PSMB8: variants seen among roughly 807,000 people sequenced by gnomAD.
PSMB8 encodes the protein proteasome subunit beta type-8.
In PSMB8, 20 loss-of-function variants were observed where a neutral mutation model predicts 32.3. The observed-to-expected ratio is 0.62, with a 90% CI of 0.44 to 0.90. The LOEUF (loss-of-function observed/expected upper bound fraction) is 0.90, where lower values mean the gene tolerates loss of function less well. Ranked by LOEUF, PSMB8 falls within the 40% of genes least tolerant of loss-of-function variation. The probability of loss-of-function intolerance (pLI) is 0.00; values close to 1 mark genes in which losing one functional copy is unlikely to be tolerated. For missense variants in PSMB8, 342 were observed against 365.4 expected, an observed-to-expected ratio of 0.94 and a Z score of 0.52; for synonymous variants, 131 against 135.4, an observed-to-expected ratio of 0.97 and a Z score of 0.23.
chr6:32,844,318 G>A (rs1770172717), upstream of PSMB8: 3 of 1,613,928 alleles, frequency 1.9e-6, no homozygotes, highest in East Asian at 2.2e-5. Flanking sequence ...GGGTGGGTAG[G>A]GTCGTGTCAT....
intron 3 of PSMB8, 136 bp downstream of exon 3, chr6:32,842,536 T>C (rs1769979735): frequency 3.2e-6 from 3 of 936,222 alleles, no homozygotes; most frequent in Non-Finnish European, 3.4e-6. Flanking sequence ...AAGGGTCTTA[T>C]CACCAAAAAG....
chr6:32,843,561 A>G (rs1351376819), intron 1 of PSMB8, among the ~76,000 whole-genome samples: 2 of 152,166 alleles, frequency 1.3e-5, no homozygotes, highest in Non-Finnish European at 2.9e-5. Flanking sequence ...TCATGTGATA[A>G]CCCCATGAAA....
chr6:32,842,572 A>G (rs1016492562), intron 3 of PSMB8, 100 bp downstream of exon 3: 1 of 1,107,254 alleles, frequency 9.0e-7, no homozygotes. Context: ...TACTATTAGC[A>G]CTAAGATGGA....
rs1007524117 is a variant in PSMB8, at chr6:32,843,056, C to T, written c.181G>A (p.Gly61Arg). Residue 61 changes from glycine to arginine, a missense_variant, in exon 2 of 6, where the codon GGA becomes AGA. By Grantham distance (125) the Gly-to-Arg change is moderately radical. Coordinates refer to ENST00000374882, the MANE Select transcript of PSMB8 (RefSeq NM_148919.4). ...TEFFQSLGGD[G>R]ERNVQIEMAH... ...ATCTCAATCTGAACGTTCCTTTCTC[C>T]GTCCCCACCCAGGGACTGGAAGAAT... The T allele has an allele frequency of 1.5e-5, 25 of 1,612,922 alleles. No homozygotes were observed. Among genetic ancestry groups the T allele is most frequent in the Non-Finnish European group, 1.9e-5 (22 of 1,180,044 alleles).
Position 32,843,921 on chromosome 6 carries a change from G to T in PSMB8, c.76C>A (p.Arg26Ser). The change falls in exon 1 of 6, where the codon CGT becomes AGT. Residue 26 changes from arginine to serine, a missense_variant. Arg to Ser is a moderately radical substitution (Grantham distance 110, BLOSUM62 -1). Coordinates refer to ENST00000374882, the MANE Select transcript of PSMB8 (RefSeq NM_148919.4). ...ESALPVAGSGRRSDPGHYSFS... is the reference protein window; with the variant it reads ...ESALPVAGSGSRSDPGHYSFS... ...CTGTAGTGTCCTGGGTCCGAGCGAC[G>T]CCCGCTTCCCGCAACCGGGAGAGCC... is the stretch of plus-strand genomic sequence containing the variant. 1 of 1,612,586 alleles carries T rather than the reference G, an allele frequency of 6.2e-7. No individual in the cohort carries two copies. Among genetic ancestry groups the T allele is most frequent in the Non-Finnish European group, 8.5e-7 (1 of 1,179,918 alleles).
At chr6:32,843,488 T>C (rs1770069485) in intron 1 of PSMB8, among the ~76,000 whole-genome samples, 1 of 152,074 alleles carries the variant, frequency 6.6e-6, no homozygotes, top group Non-Finnish European at 1.5e-5. Context: ...CAACAGTGAG[T>C]TGCTGAGAGG....
At chr6:32,844,381 A>G, upstream of PSMB8, 1 of 1,613,970 alleles carries the variant, frequency 6.2e-7, no homozygotes, top group Middle Eastern at 1.6e-4. Context: ...AGCTGGGAGT[A>G]GTGTCACGCG....
At position 32,844,017 on chromosome 6, in the gene PSMB8, T is replaced by C. The variant is rs1390501789; in HGVS notation, c.-21A>G. On this transcript the variant is annotated 5_prime_UTR_variant, in exon 1 of 6. Transcript: ENST00000374882. The stretch of plus-strand genomic sequence containing the variant: ...GCCATGACCGCCCAGCACCCAGAGA[T>C]CTGTCCGCTCTCGGAGGAGGAAGTG... 6.2e-7 allele frequency: 1 copy of C among 1,605,532 alleles called. No homozygotes were observed. Among genetic ancestry groups the C allele is most frequent in the African/African-American group, 1.3e-5 (1 of 74,398 alleles).
chr6:32,844,138 A>C (rs546444968), upstream of PSMB8: 1 of 1,506,994 alleles, frequency 6.6e-7, no homozygotes, highest in African/African-American at 1.4e-5. Flanking sequence ...CTGGACCAGG[A>C]CCATCACACT....
chr6:32,842,842 C>T (rs1270234208), intron 2 of PSMB8, 59 bp from the exon 3 acceptor site: 3 of 1,609,022 alleles, frequency 1.9e-6, no homozygotes, highest in Non-Finnish European at 2.6e-6. Flanking sequence ...CCCAGTGTGT[C>T]CTAAATCAAT....
upstream of PSMB8, chr6:32,844,245 A>T (rs1770159986): frequency 6.2e-7 from 1 of 1,612,232 alleles, no homozygotes; most frequent in Admixed American, 1.7e-5. Flanking sequence ...CGCCTTCAAA[A>T]GCCCACTTGG....
Position 32,842,162 on chromosome 6 carries a change from C to T in PSMB8, c.509G>A (p.Gly170Asp). The T allele has an allele frequency of 6.2e-7, 1 of 1,613,118 alleles. No homozygotes were observed. The highest frequency in any genetic ancestry group is 8.5e-7 in the Non-Finnish European group (1 of 1,180,042). ...CQYRGMGLSMGSMICGWDKKG... is the reference protein window; with the variant it reads ...CQYRGMGLSMDSMICGWDKKG... ...CTTATCCCAGCCACAGATCATACTG[C>T]CCATAGAGAGGCCCATGCCCCGGTA... Residue 170 changes from glycine (G) to aspartate (D), a missense_variant, in exon 4 of 6, where the codon GGC becomes GAC. Coordinates refer to ENST00000374882, the MANE Select transcript of PSMB8 (RefSeq NM_148919.4).
rs1431861672 is a variant in PSMB8 at position 32,840,957 on chromosome 6, CATTATTG to C, written c.826_*1del. ...AGACCTGCCCAGCTGCCACCACCAC[CATTATTG>C]ATTGGCTTCCCGGTACTGGTGCAGC... On this transcript the variant is annotated stop_lost and 3_prime_UTR_variant, in exon 6 of 6. Transcript: ENST00000374882. 3 of 1,611,318 alleles carry C rather than the reference CATTATTG, an allele frequency of 1.9e-6. No individual in the cohort carries two copies. In the South Asian group the frequency reaches 3.3e-5, roughly 18 times the overall value.
At chr6:32,844,451 G>C (rs752865267), upstream of PSMB8, 1 of 1,611,746 alleles carries the variant, frequency 6.2e-7, no homozygotes, top group Non-Finnish European at 8.5e-7. Flanking sequence ...GTGCGAGGGG[G>C]CAGAGTCTTG....
rs1338119734 is a variant in PSMB8 at position 32,840,879 on chromosome 6, T to C, written c.*80A>G. 3.0e-5 allele frequency: 38 copies of C among 1,254,712 alleles called. No homozygotes were observed. Among genetic ancestry groups the C allele is most frequent in the Non-Finnish European group, 2.1e-5 (18 of 855,950 alleles). The allele number at this position is 1,254,712 out of a possible 1,614,324, so 77.7% of individuals were successfully genotyped here. ...TTGGCTCAGGCTAGGCCTCTTCTTC[T>C]CCTTGGACTTAACGTGGCTTAGGTC... On this transcript the variant is annotated 3_prime_UTR_variant, in exon 6 of 6. Coordinates refer to ENST00000374882, the MANE Select transcript of PSMB8 (RefSeq NM_148919.4).
At chr6:32,842,062 T>C (rs1000989358) in intron 4 of PSMB8, 72 bp downstream of exon 4, 13 of 1,608,170 alleles carry the variant, frequency 8.1e-6, no homozygotes, top group African/African-American at 1.3e-5. Flanking sequence ...GGAGTAGGAG[T>C]ATATGATGGG....
rs1028663462 is a variant in PSMB8 at position 32,840,994 on chromosome 6, C to T, written c.796G>A (p.Asp266Asn). Residue 266 changes from aspartate (D) to asparagine (N), a missense_variant, in exon 6 of 6, where the codon GAC becomes AAC. Physicochemically the swap from Asp to Asn is conservative, Grantham distance 23 (BLOSUM62 1). Transcript: ENST00000374882. ...GCTTCCCGGTACTGGTGCAGCAGGT[C>T]ACTGACATCTGTACTTTCTACTTTC... Reference protein sequence around the residue: ...WVKVESTDVSDLLHQYREANQ With the variant: ...WVKVESTDVSNLLHQYREANQ 6.2e-7 allele frequency: 1 copy of T among 1,613,824 alleles called. No homozygotes were observed. The highest frequency in any genetic ancestry group is 8.5e-7 in the Non-Finnish European group (1 of 1,179,714).
chr6:32,844,054 C>A, upstream of PSMB8: 1 of 1,598,562 alleles, frequency 6.3e-7, no homozygotes, highest in Non-Finnish European at 8.5e-7. Flanking sequence ...AAGCGAAAGC[C>A]ACAGATCGAA....
chr6:32,840,866 AG>A lies in PSMB8; in HGVS notation c.*92del. 9.4e-7 allele frequency: 1 copy of A among 1,066,472 alleles called. No homozygotes were observed. Among genetic ancestry groups the A allele is most frequent in the Non-Finnish European group, 1.5e-6 (1 of 688,802 alleles). The allele number at this position is 1,066,472 out of a possible 1,614,324, so 66.1% of individuals were successfully genotyped here. A position where few individuals can be genotyped will look rare whatever the true frequency, so the allele number is the denominator to read the frequency against. ...CCGTACTCTCTCTTTGGCTCAGGCT[AG>A]GCCTCTTCTTCTCCTTGGACTTAAC... On this transcript the variant is annotated 3_prime_UTR_variant, in exon 6 of 6. Transcript: ENST00000374882.
Sources: allele counts gnomAD v4.1 joint callset (sites outside exome capture counted in the v4.1 genomes callset), GRCh38; gene constraint gnomAD v4.1.1; transcripts MANE v1.5; gene names NCBI Gene and HGNC (gene_info 2026-07-23, HGNC 2026-07-21).